PHF12: variants seen among roughly 807,000 people sequenced by gnomAD.
PHF12 encodes PHD finger protein 12.
PHF12 carries 6 observed loss-of-function variants against 99.8 expected under a neutral mutation model. That is an observed-to-expected ratio of 0.06 (90% CI 0.03 to 0.12). The LOEUF (loss-of-function observed/expected upper bound fraction) is 0.12, where lower values mean the gene tolerates loss of function less well. Among genes scored for constraint, PHF12 ranks in the 10% least tolerant of loss-of-function variants. The pLI is 1.00. For missense variants in PHF12, 954 were observed against 1,300.1 expected, an observed-to-expected ratio of 0.73 and a Z score of 4.09; for synonymous variants, 480 against 514.9, an observed-to-expected ratio of 0.93 and a Z score of 0.92.
chr17:28,947,865 T>G (rs1383519317), intron 2 of PHF12, among the ~76,000 whole-genome samples: 3 of 151,438 alleles, frequency 2.0e-5, no homozygotes, highest in African/African-American at 7.3e-5. Flanking sequence ...AATCTCTGAT[T>G]ACCAGTTCCC....
At chr17:28,911,060 A>G in intron 10 of PHF12, 52 bp downstream of exon 10, 1 of 1,611,528 alleles carries the variant, frequency 6.2e-7, no homozygotes, top group Non-Finnish European at 8.5e-7. Flanking sequence ...CTGTATAGGA[A>G]TAGCACCTTC....
chr17:28,941,881 A>G (rs932996283), intron 2 of PHF12, among the ~76,000 whole-genome samples: 8 of 152,322 alleles, frequency 5.3e-5, no homozygotes, highest in African/African-American at 1.7e-4. Context: ...TGCTGGGATT[A>G]CAGGTGTGAG....
At chr17:28,908,910 T>C (rs1263343205) in intron 11 of PHF12, 29 bp from the exon 12 acceptor site, 11 of 1,584,612 alleles carry the variant, frequency 6.9e-6, no homozygotes, top group African/African-American at 6.7e-5. Flanking sequence ...AATAGGATCA[T>C]TCAGAAACTC....
Position 28,950,408 on chromosome 17 carries a change from G to T in PHF12, c.67-162C>A, listed in dbSNP as rs568859174. The T allele has an allele frequency of 2.7e-6, 2 of 745,928 alleles. No individual in the cohort carries two copies. The highest frequency in any genetic ancestry group is 3.7e-5 in the South Asian group (2 of 53,612). The allele number at this position is 745,928 out of a possible 1,614,324, so 46.2% of individuals were successfully genotyped here. On this transcript the variant is annotated intron_variant, in intron 1 of 14. Transcript: ENST00000332830. The surrounding 1 kb of genome is among the most constrained non-coding windows in gnomAD (Gnocchi z 5.7). ...ATCTCTCAGCCCCCGGAACCAGGGGGAGCCCACCCTAACCGCGTTCCTGCA... is the reference window on the plus strand; with the variant it reads ...ATCTCTCAGCCCCCGGAACCAGGGGTAGCCCACCCTAACCGCGTTCCTGCA...
chr17:28,946,773 G>C (rs1230165945), intron 2 of PHF12, among the ~76,000 whole-genome samples: 4 of 152,164 alleles, frequency 2.6e-5, no homozygotes, highest in Non-Finnish European at 5.9e-5. Context: ...CCTGGCCTCA[G>C]GCGATCCTCC....
At chr17:28,928,556 C>T (rs1016676349) in intron 2 of PHF12, among the ~76,000 whole-genome samples, 1 of 152,082 alleles carries the variant, frequency 6.6e-6, no homozygotes, top group African/African-American at 2.4e-5. Flanking sequence ...GTGCACACAG[C>T]AGATCACCTG....
intron 5 of PHF12, 75 bp from the exon 6 acceptor site, chr17:28,919,350 CCTCCCCTCCTTGATCCTAACATT>C (rs6146025): frequency 0.97 from 882,559 of 905,270 alleles, 437,580 homozygotes; most frequent in Middle Eastern, 0.99. Flanking sequence ...TGTGGAACAG[CCTCCCCTCCTTGATCCTAACATT>C]CTCCCCTCCT....
chr17:28,924,217 G>A lies in PHF12; in HGVS notation c.407C>T (p.Thr136Ile). 1 of 1,614,240 alleles carries A rather than the reference G, an allele frequency of 6.2e-7. No individual in the cohort carries two copies. Among genetic ancestry groups the A allele is most frequent in the African/African-American group, 1.3e-5 (1 of 75,058 alleles). The change falls in exon 4 of 15, where the codon ACT becomes ATT. Residue 136 changes from threonine to isoleucine, a missense_variant. Physicochemically the swap from Thr to Ile is moderately conservative, Grantham distance 89. Coordinates refer to ENST00000332830, the MANE Select transcript of PHF12 (RefSeq NM_001033561.2). ...GCTGGCCGATCTGTCCAACAAGTCA[G>A]TGTCACTGCTGGGGGATGTAGTCCG... ...GKRTTSPSSD[T>I]DLLDRSASKT...
intron 7 of PHF12, among the ~76,000 whole-genome samples, chr17:28,915,969 A>G (rs1175963738): frequency 1.3e-5 from 2 of 149,192 alleles, no homozygotes; most frequent in African/African-American, 5.0e-5. Flanking sequence ...CTCTCTGACA[A>G]ATCTACACAG....
At position 28,913,084 on chromosome 17, in the gene PHF12, C is replaced by T; in HGVS notation, c.1487G>A (p.Cys496Tyr). ...TPTPSHYPLS[C>Y]PSGISTQNSL... Reference sequence around the variant, plus strand: ...ATTCTGGGTGCTAATCCCTGAGGGGCAGGACAAGGGGTAGTGGGAAGGTGT... The same window carrying T: ...ATTCTGGGTGCTAATCCCTGAGGGGTAGGACAAGGGGTAGTGGGAAGGTGT... Residue 496 changes from cysteine (C) to tyrosine (Y), a missense_variant, in exon 9 of 15, where the codon TGC (cysteine) becomes TAC (tyrosine). Cys to Tyr is a radical substitution (Grantham distance 194, BLOSUM62 -2). This residue lies in a region of PHF12 where 392 missense variants were observed against 423.1 expected (regional missense o/e 0.93). Transcript: ENST00000332830. The T allele has an allele frequency of 2.5e-6, 4 of 1,614,088 alleles. No individual in the cohort carries two copies. The highest frequency in any genetic ancestry group is 3.4e-6 in the Non-Finnish European group (4 of 1,179,998).
rs954084506 is a variant in PHF12 at position 28,912,220 on chromosome 17, G to A, written c.2089+262C>T. 6.2e-6 allele frequency: 8 copies of A among 1,296,348 alleles called. No homozygotes were observed. In the African/African-American group the frequency reaches 1.2e-4, roughly 20 times the overall value. The allele number at this position is 1,296,348 out of a possible 1,614,324, so 80.3% of individuals were successfully genotyped here. A position where few individuals can be genotyped will look rare whatever the true frequency, so the allele number is the denominator to read the frequency against. On this transcript the variant is annotated intron_variant, in intron 9 of 14. Transcript: ENST00000332830. ...GTATGGGATGGAGTCAGGAGACCTG[G>A]GCTGTGGTTCCAATCCTGCCACTGA... is the stretch of plus-strand genomic sequence containing the variant.
intron 2 of PHF12, among the ~76,000 whole-genome samples, chr17:28,939,486 C>T (rs544726744): frequency 1.2e-4 from 18 of 152,302 alleles, no homozygotes; most frequent in Admixed American, 3.3e-4. Flanking sequence ...AAAAAGTTCA[C>T]TGTAGAGTTT....
chr17:28,908,623 T>C (rs2039910086), intron 12 of PHF12, 160 bp downstream of exon 12: 1 of 685,118 alleles, frequency 1.5e-6, no homozygotes, highest in Non-Finnish European at 2.5e-6. Flanking sequence ...ACTGGCTGAT[T>C]GTCTCTATTC....
chr17:28,920,545 A>C (rs1244037168), intron 5 of PHF12, among the ~76,000 whole-genome samples: 1 of 152,244 alleles, frequency 6.6e-6, no homozygotes, highest in African/African-American at 2.4e-5. Context: ...GTTTAAGTCC[A>C]ACTCCTCTTG....
intron 2 of PHF12, among the ~76,000 whole-genome samples, chr17:28,935,410 T>C (rs144847460): frequency 6.6e-6 from 1 of 152,304 alleles, no homozygotes; most frequent in African/African-American, 2.4e-5. Flanking sequence ...TAGCTGGGAT[T>C]ACAGGCATGC....
intron 12 of PHF12, 196 bp from the exon 13 acceptor site, chr17:28,907,868 A>C (rs2039897095): frequency 2.0e-6 from 1 of 493,346 alleles, no homozygotes; most frequent in Non-Finnish European, 3.7e-6. Flanking sequence ...GATAAAGAAC[A>C]GCTGTCCCTG....
At chr17:28,911,408 G>A (rs2039958378) in intron 9 of PHF12, 171 bp from the exon 10 acceptor site, 1 of 899,312 alleles carries the variant, frequency 1.1e-6, no homozygotes, top group Non-Finnish European at 1.6e-6. Flanking sequence ...GTGAGGAAGG[G>A]CAGATGGAAC....
chr17:28,943,612 G>A lies in PHF12; in HGVS notation c.248+6453C>T, dbSNP rs144732741. Among the ~76,000 whole-genome samples, 1,096 of 151,968 alleles carry A rather than the reference G, an allele frequency of 7.2e-3. 5 individuals are homozygous for A. Among genetic ancestry groups the A allele is most frequent in the Non-Finnish European group, 0.012 (829 of 67,986 alleles). ...TCCACTGCATTTCAGCCTAGGCAAC[G>A]AAGCTAGACTCTGTCTCAAAAAATA... On this transcript the variant is annotated intron_variant, in intron 2 of 14. Transcript: ENST00000332830.
rs1390059040 is a variant in PHF12 at position 28,951,181 on chromosome 17, G to C, written c.-221C>G. ...GAGGGGGGAGCGGCCCCTCAGTCCC[G>C]GCCCGGCTGCTGGCTGCACAGTGGG... On this transcript the variant is annotated 5_prime_UTR_variant, in exon 1 of 15. Coordinates refer to ENST00000332830, the MANE Select transcript of PHF12 (RefSeq NM_001033561.2). 2.8e-6 allele frequency: 4 copies of C among 1,412,144 alleles called. No homozygotes were observed. In the African/African-American group the frequency reaches 5.9e-5, roughly 21 times the overall value. 87.5% of individuals were successfully genotyped at this position (1,412,144 alleles called of 1,614,324 possible). A position where few individuals can be genotyped will look rare whatever the true frequency, so the allele number is the denominator to read the frequency against.
Sources: allele counts gnomAD v4.1 joint callset (sites outside exome capture counted in the v4.1 genomes callset), GRCh38; gene constraint gnomAD v4.1.1; regional missense constraint gnomAD v4.1.1; non-coding constraint Gnocchi (gnomAD v3.1); transcripts MANE v1.5; gene names NCBI Gene and HGNC (gene_info 2026-07-23, HGNC 2026-07-21).